The following CIT variants were observed in gnomAD, a reference collection of about 807,000 sequenced individuals.
The protein encoded by CIT is citron rho-interacting serine/threonine kinase, also known as citron Rho-interacting kinase.
In CIT, 79 loss-of-function variants were observed where a neutral mutation model predicts 272.7. The observed-to-expected ratio is 0.29, with a 90% CI of 0.24 to 0.35. The LOEUF (loss-of-function observed/expected upper bound fraction) is 0.35, where lower values mean the gene tolerates loss of function less well. Ranked by LOEUF, CIT falls within the 10% of genes least tolerant of loss-of-function variation. The pLI is 1.00. For missense variants in CIT, 1,909 were observed against 2,618.3 expected (o/e 0.73, Z 5.91); for synonymous variants, 948 against 995.6 (o/e 0.95, Z 0.90).
intron 8 of CIT, among the ~76,000 whole-genome samples, chr12:119,824,709 C>G (rs754535902): frequency 1.3e-5 from 2 of 152,206 alleles, no homozygotes; most frequent in Non-Finnish European, 2.9e-5. Flanking sequence ...AACATTCATT[C>G]ACACAATACG....
intron 33 of CIT, 120 bp downstream of exon 33, chr12:119,714,077 A>C: frequency 8.6e-7 from 1 of 1,168,100 alleles, no homozygotes; most frequent in South Asian, 1.6e-5. Context: ...CTACTGAAGT[A>C]AGAAGCTCGA....
intron 5 of CIT, among the ~76,000 whole-genome samples, chr12:119,847,015 C>T (rs1313476290): frequency 1.3e-5 from 2 of 151,254 alleles, no homozygotes; most frequent in Non-Finnish European, 2.9e-5. Context: ...GACGGAGCCT[C>T]GCTCTGTCAC....
chr12:119,727,354 C>T (rs747577744), intron 28 of CIT, among the ~76,000 whole-genome samples: 5 of 152,214 alleles, frequency 3.3e-5, no homozygotes, highest in Admixed American at 6.5e-5. Context: ...CCACCTAGAA[C>T]GGAAAGCTAA....
chr12:119,793,907 T>G (rs772125012), intron 10 of CIT, among the ~76,000 whole-genome samples: 1 of 152,200 alleles, frequency 6.6e-6, no homozygotes, highest in Non-Finnish European at 1.5e-5. Context: ...GTAAGCTCCA[T>G]GAAGACAGGG....
intron 3 of CIT, among the ~76,000 whole-genome samples, chr12:119,858,897 C>A (rs1365019420): frequency 2.0e-5 from 3 of 152,018 alleles, no homozygotes; most frequent in Non-Finnish European, 2.9e-5. Flanking sequence ...ATCTGCTCTG[C>A]AGGGCTGACA....
chr12:119,784,668 G>T lies in CIT; in HGVS notation c.1401+292C>A. 1.6e-6 allele frequency: 2 copies of T among 1,283,334 alleles called. No individual in the cohort carries two copies. The highest frequency in any genetic ancestry group is 2.0e-6 in the Non-Finnish European group (2 of 1,011,996). The allele number at this position is 1,283,334 out of a possible 1,614,324, so 79.5% of individuals were successfully genotyped here. A position where few individuals can be genotyped will look rare whatever the true frequency, so the allele number is the denominator to read the frequency against. On this transcript the variant is annotated intron_variant, in intron 11 of 47. Coordinates refer to ENST00000392521, the MANE Select transcript of CIT (RefSeq NM_001206999.2). This position sits in a 1 kb window ranked among gnomAD's most constrained non-coding sequence, Gnocchi z 4.7. ...GGGATGTATCTCAGCCACAGGTGAG[G>T]ACCCAGGCCACCTGCCGGAAGAAGC...
intron 3 of CIT, 93 bp downstream of exon 3, chr12:119,868,967 G>T: frequency 1.4e-6 from 2 of 1,442,800 alleles, no homozygotes; most frequent in South Asian, 1.2e-5. Context: ...AGTTCTTACC[G>T]ACTACTATCA....
chr12:119,840,377 C>T (rs1187026028), intron 5 of CIT, among the ~76,000 whole-genome samples: 1 of 152,258 alleles, frequency 6.6e-6, no homozygotes, highest in Middle Eastern at 3.4e-3. Flanking sequence ...GAATCAGAAA[C>T]TCTGGGGATG....
intron 22 of CIT, among the ~76,000 whole-genome samples, chr12:119,754,539 C>T (rs1423976557): frequency 1.3e-5 from 2 of 152,170 alleles, no homozygotes; most frequent in Non-Finnish European, 2.9e-5. Context: ...GAAGGAAGAA[C>T]CCGGGAGCCT....
At chr12:119,723,496 T>C (rs1159865633) in intron 28 of CIT, among the ~76,000 whole-genome samples, 1 of 151,832 alleles carries the variant, frequency 6.6e-6, no homozygotes, top group African/African-American at 2.4e-5. Flanking sequence ...AACAGAGGTA[T>C]ATTCATGGGC....
intron 28 of CIT, among the ~76,000 whole-genome samples, chr12:119,722,285 C>T (rs949180546): frequency 1.3e-5 from 2 of 152,164 alleles, no homozygotes; most frequent in Non-Finnish European, 2.9e-5. Flanking sequence ...AGCTTAACTA[C>T]ACTTAGTGTG....
At chr12:119,869,968 A>G (rs1471112487) in intron 2 of CIT, among the ~76,000 whole-genome samples, 3 of 152,028 alleles carry the variant, frequency 2.0e-5, no homozygotes, top group Middle Eastern at 3.2e-3. Flanking sequence ...CCATCTTCCA[A>G]CTGGCCCACT....
At position 119,816,647 on chromosome 12, in the gene CIT, C is replaced by A. The variant is rs541734989; in HGVS notation, c.1111+6173G>T. ...AGATGATTCCGATGCTGCCGGTCCA[C>A]GGACCACACTCTGAGTAGCAAGGTC... On this transcript the variant is annotated intron_variant, in intron 9 of 47. Coordinates refer to ENST00000392521, the MANE Select transcript of CIT (RefSeq NM_001206999.2). Among the ~76,000 whole-genome samples the A allele has an allele frequency of 1.3e-3, 203 of 152,316 alleles. 3 individuals carry two copies. Among genetic ancestry groups the A allele is most frequent in the African/African-American group, 4.5e-3 (189 of 41,572 alleles).
intron 19 of CIT, among the ~76,000 whole-genome samples, chr12:119,764,914 C>T (rs1454021194): frequency 6.6e-6 from 1 of 151,936 alleles, no homozygotes; most frequent in Non-Finnish European, 1.5e-5. Context: ...TCAAGAGATT[C>T]TCGTGTCTCA....
chr12:119,830,740 T>C (rs528367473), intron 7 of CIT, among the ~76,000 whole-genome samples: 1 of 152,302 alleles, frequency 6.6e-6, no homozygotes, highest in African/African-American at 2.4e-5. Flanking sequence ...AAACATCTTA[T>C]ACAGCGCATC....
chr12:119,746,735 T>C (rs570900558), intron 23 of CIT, among the ~76,000 whole-genome samples: 2 of 152,336 alleles, frequency 1.3e-5, no homozygotes, highest in African/African-American at 4.8e-5. Flanking sequence ...AAAGTTAACA[T>C]AATGAACCAC....
chr12:119,806,137 CAAAA>C (rs3858711), intron 9 of CIT, among the ~76,000 whole-genome samples: 6 of 62,654 alleles, frequency 9.6e-5, no homozygotes, highest in African/African-American at 4.4e-4. Flanking sequence ...AACACCATCT[CAAAA>C]AAAAAAAAAA....
At position 119,735,284 on chromosome 12, in the gene CIT, T is replaced by C. The variant is rs750370750; in HGVS notation, c.3032A>G (p.Tyr1011Cys). ...DNAELNNQNF[Y>C]LSKQLDEASG... The stretch of plus-strand genomic sequence containing the variant: ...AGCCTCATCGAGTTGTTTGGACAAG[T>C]AGAAGTTTTGGTTGTTGAGTTCAGC... Residue 1011 changes from tyrosine (Y) to cysteine (C), a missense_variant, in exon 25 of 48, where the codon TAC becomes TGC. Physicochemically the swap from Tyr to Cys is radical, Grantham distance 194 (BLOSUM62 -2). This residue lies in a region of CIT where 530 missense variants were observed against 822.4 expected (regional missense o/e 0.64). Coordinates refer to ENST00000392521, the MANE Select transcript of CIT (RefSeq NM_001206999.2). 2.5e-6 allele frequency: 4 copies of C among 1,614,184 alleles called. No individual in the cohort carries two copies. Among genetic ancestry groups the C allele is most frequent in the South Asian group, 1.1e-5 (1 of 91,084 alleles).
At chr12:119,711,001 A>G in intron 37 of CIT, 1 of 1,362,198 alleles carries the variant, frequency 7.3e-7, no homozygotes, top group South Asian at 1.1e-5. Flanking sequence ...GCAGAAGTGC[A>G]AAGGCGCCGT....
Sources: allele counts gnomAD v4.1 joint callset (sites outside exome capture counted in the v4.1 genomes callset), GRCh38; gene constraint gnomAD v4.1.1; regional missense constraint gnomAD v4.1.1; non-coding constraint Gnocchi (gnomAD v3.1); transcripts MANE v1.5; gene names NCBI Gene and HGNC (gene_info 2026-07-23, HGNC 2026-07-21).